The following CHRM5 variants were observed in gnomAD, a reference collection of about 807,000 sequenced individuals.
CHRM5 encodes cholinergic receptor muscarinic 5.
Under a neutral mutation model 39.0 loss-of-function variants are expected in CHRM5, and 18 were observed. The observed-to-expected ratio is 0.46, with a 90% CI of 0.32 to 0.68. The LOEUF (loss-of-function observed/expected upper bound fraction) is 0.68, where lower values mean the gene tolerates loss of function less well. CHRM5 is among the 30% of genes least tolerant of loss of function. CHRM5 has a pLI of 0.04. For synonymous variants in CHRM5, 241 were observed against 246.3 expected (o/e 0.98, Z 0.20); for missense variants, 515 against 651.1 (o/e 0.79, Z 2.28).
In CHRM5 at chr15:34,007,055, C is replaced by G; in HGVS notation, c.-408+37905C>G. The G allele has an allele frequency of 3.0e-6, 3 of 984,260 alleles. No individual in the cohort carries two copies. The South Asian group carries it at 1.4e-4, about 46-fold the overall frequency. 61.0% of individuals were successfully genotyped at this position (984,260 alleles called of 1,614,324 possible). The stretch of plus-strand genomic sequence containing the variant: ...ACTGTAATAGTTCATACCTGGACAT[C>G]GGTCACTGGTTGCATTGTTCAGAGA... On this transcript the variant is annotated intron_variant, in intron 1 of 2. Transcript: ENST00000383263.
intron 2 of CHRM5, among the ~76,000 whole-genome samples, chr15:34,060,561 A>T (rs1407028884): frequency 2.6e-5 from 4 of 152,178 alleles, no homozygotes; most frequent in Admixed American, 2.0e-4. Flanking sequence ...AATTGCCCAC[A>T]TGGGGTATTT....
intron 1 of CHRM5, among the ~76,000 whole-genome samples, chr15:33,985,625 C>T (rs979105419): frequency 1.3e-5 from 2 of 151,966 alleles, no homozygotes; most frequent in Non-Finnish European, 2.9e-5. Context: ...CAACAATATT[C>T]TGAAAGGCAG....
intron 2 of CHRM5, among the ~76,000 whole-genome samples, chr15:34,058,886 T>C (rs1201122098): frequency 1.3e-5 from 2 of 152,122 alleles, no homozygotes; most frequent in African/African-American, 2.4e-5. Context: ...CATAGTCCAA[T>C]TTCCTTTTTT....
chr15:34,003,057 A>C, intron 1 of CHRM5: 1 of 1,613,882 alleles, frequency 6.2e-7, no homozygotes, highest in Non-Finnish European at 8.5e-7. Context: ...GGACACTGAA[A>C]TCTGTTCCCC....
chr15:34,003,794 T>A (rs1441511718), intron 1 of CHRM5, among the ~76,000 whole-genome samples: 1 of 152,220 alleles, frequency 6.6e-6, no homozygotes, highest in Non-Finnish European at 1.5e-5. Flanking sequence ...TCTAGAATAA[T>A]GAAAACCATT....
chr15:34,038,258 G>A (rs1340369032), intron 1 of CHRM5, among the ~76,000 whole-genome samples: 8 of 152,162 alleles, frequency 5.3e-5, no homozygotes, highest in African/African-American at 1.9e-4. Flanking sequence ...CAGTCGTAGG[G>A]GTCATTCTTT....
At chr15:34,022,915 C>G (rs1038404450) in intron 1 of CHRM5, among the ~76,000 whole-genome samples, 1 of 152,196 alleles carries the variant, frequency 6.6e-6, no homozygotes, top group African/African-American at 2.4e-5. Flanking sequence ...AGGCCGGGCG[C>G]GGTGGCTCAC....
At chr15:33,978,696 A>G (rs1457482508) in intron 1 of CHRM5, among the ~76,000 whole-genome samples, 6 of 152,022 alleles carry the variant, frequency 3.9e-5, no homozygotes. Flanking sequence ...AAATAAAAAT[A>G]AATAAAATTA....
intron 1 of CHRM5, among the ~76,000 whole-genome samples, chr15:34,027,639 C>A (rs569240500): frequency 1.3e-5 from 2 of 152,072 alleles, no homozygotes; most frequent in South Asian, 4.2e-4. Flanking sequence ...AGCCCCATTC[C>A]CAGGAGGCTG....
At chr15:34,014,611 T>C (rs1433484198) in intron 1 of CHRM5, among the ~76,000 whole-genome samples, 1 of 152,126 alleles carries the variant, frequency 6.6e-6, no homozygotes, top group East Asian at 1.9e-4. Context: ...GGTACCAGTG[T>C]CTGTGAGAGG....
intron 1 of CHRM5, among the ~76,000 whole-genome samples, chr15:33,983,847 T>C (rs1896302338): frequency 6.6e-6 from 1 of 151,962 alleles, no homozygotes; most frequent in Non-Finnish European, 1.5e-5. Flanking sequence ...ATAAATATTT[T>C]GTGTCCACTG....
At chr15:34,053,319 A>AAAAAAATATATATATATATAT (rs775436850) in intron 2 of CHRM5, among the ~76,000 whole-genome samples, 1 of 42,104 alleles carries the variant, frequency 2.4e-5, no homozygotes, top group African/African-American at 8.0e-5. Flanking sequence ...AAAAAAAAAA[A>AAAAAAATATATATATATATAT]ATATATATAT....
chr15:33,975,066 C>A (rs1011599359), intron 1 of CHRM5, among the ~76,000 whole-genome samples: 1 of 152,156 alleles, frequency 6.6e-6, no homozygotes, highest in African/African-American at 2.4e-5. Context: ...GATAAAATAT[C>A]AAGATATAAG....
chr15:33,994,514 C>T (rs1435042126), intron 1 of CHRM5, among the ~76,000 whole-genome samples: 1 of 152,184 alleles, frequency 6.6e-6, no homozygotes, highest in Non-Finnish European at 1.5e-5. Flanking sequence ...CATCCTCACC[C>T]TGGTCTGTGG....
chr15:34,062,630 C>A lies in CHRM5; in HGVS notation c.-75-13C>A. The A allele has an allele frequency of 8.2e-7, 1 of 1,221,436 alleles. No individual in the cohort carries two copies. Among genetic ancestry groups the A allele is most frequent in the Non-Finnish European group, 1.2e-6 (1 of 869,270 alleles). 75.7% of individuals were successfully genotyped at this position (1,221,436 alleles called of 1,614,324 possible). On this transcript the variant is annotated splice_polypyrimidine_tract_variant and intron_variant, in intron 2 of 2. Coordinates refer to ENST00000383263, the MANE Select transcript of CHRM5 (RefSeq NM_012125.4). ...GCTGGTGTGCGAAGCTAATGTGTTTCCCTCTCTTCCAGATGCTGGCCAAGA... is the reference window on the plus strand; with the variant it reads ...GCTGGTGTGCGAAGCTAATGTGTTTACCTCTCTTCCAGATGCTGGCCAAGA...
chr15:33,986,151 G>C (rs1186912615), intron 1 of CHRM5, among the ~76,000 whole-genome samples: 1 of 151,696 alleles, frequency 6.6e-6, no homozygotes, highest in Non-Finnish European at 1.5e-5. Flanking sequence ...CTGTCGCCCA[G>C]GCTGGAGTGC....
chr15:34,014,262 G>GTAACCCCAC (rs2140677879), intron 1 of CHRM5, among the ~76,000 whole-genome samples: 1 of 151,666 alleles, frequency 6.6e-6, no homozygotes, highest in South Asian at 2.1e-4. Context: ...TACTTGGGAG[G>GTAACCCCAC]CTGAGGCAGG....
intron 1 of CHRM5, among the ~76,000 whole-genome samples, chr15:34,023,675 G>A (rs570314349): frequency 2.6e-5 from 4 of 152,170 alleles, no homozygotes; most frequent in Non-Finnish European, 2.9e-5. Flanking sequence ...TACTCTGTAA[G>A]CCTCTGTTGC....
chr15:34,016,470 T>C (rs963568659), intron 1 of CHRM5, among the ~76,000 whole-genome samples: 4 of 152,096 alleles, frequency 2.6e-5, no homozygotes, highest in African/African-American at 9.7e-5. Flanking sequence ...TGTGGCCACA[T>C]GACTCTTTTT....
Sources: allele counts gnomAD v4.1 joint callset (sites outside exome capture counted in the v4.1 genomes callset), GRCh38; gene constraint gnomAD v4.1.1; transcripts MANE v1.5; gene names NCBI Gene and HGNC (gene_info 2026-07-23, HGNC 2026-07-21).